C2orf76: variants seen among roughly 807,000 people sequenced by gnomAD.
C2orf76 encodes chromosome 2 open reading frame 76.
In C2orf76, 23 loss-of-function variants were observed where a neutral mutation model predicts 16.9. That is an observed-to-expected ratio of 1.36 (90% CI 0.98 to 1.93). The LOEUF is 1.93. Among genes scored for constraint, C2orf76 ranks in the 30% most tolerant of loss-of-function variants. The pLI is 0.00. For missense variants in C2orf76, 152 were observed against 152.6 expected (o/e 1.00, Z 0.02); for synonymous variants, 48 against 52.3 (o/e 0.92, Z 0.35).
At chr2:119,286,002 C>G in the C2orf76 span, among the ~76,000 whole-genome samples, 1 of 151,890 alleles carries the variant, frequency 6.6e-6, no homozygotes, top group Non-Finnish European at 1.5e-5. Context: ...CCAAGGCGGG[C>G]GGATCACGAG....
intron 1 of C2orf76, among the ~76,000 whole-genome samples, chr2:119,355,626 G>A (rs915023122): frequency 1.3e-5 from 2 of 152,112 alleles, no homozygotes. Context: ...ATTCTCATAG[G>A]AGCGTGAACC....
At chr2:119,318,397 G>A (rs1679243964) in intron 3 of C2orf76, among the ~76,000 whole-genome samples, 1 of 152,124 alleles carries the variant, frequency 6.6e-6, no homozygotes, top group African/African-American at 2.4e-5. Flanking sequence ...GACAGGAAAT[G>A]AAAGGATCTA....
At chr2:119,319,484 C>T (rs1316936601) in intron 3 of C2orf76, among the ~76,000 whole-genome samples, 4 of 152,130 alleles carry the variant, frequency 2.6e-5, no homozygotes, top group African/African-American at 4.8e-5. Context: ...AATACAAATT[C>T]CTTGAGGAAA....
upstream of C2orf76, chr2:119,366,851 GGGCGGGGCTAGCGCCGC>G (rs1051051983): frequency 1.8e-4 from 118 of 671,986 alleles, no homozygotes; most frequent in Non-Finnish European, 2.8e-4. Flanking sequence ...ACGTGGGCTC[GGGCGGGGCTAGCGCCGC>G]GGCGGGGGCT....
At chr2:119,286,228 A>AGG in the C2orf76 span, among the ~76,000 whole-genome samples, 1 of 133,248 alleles carries the variant, frequency 7.5e-6, no homozygotes, top group African/African-American at 2.8e-5. Context: ...CCATCTCAAA[A>AGG]AAAAAAAAAA....
chr2:119,291,452 C>T, the C2orf76 span, among the ~76,000 whole-genome samples: 2 of 151,716 alleles, frequency 1.3e-5, no homozygotes, highest in Admixed American at 6.6e-5. Context: ...GTTAATGAGC[C>T]CATTACTCCT....
At chr2:119,342,408 C>T (rs976589497) in intron 1 of C2orf76, among the ~76,000 whole-genome samples, 3 of 151,934 alleles carry the variant, frequency 2.0e-5, no homozygotes, top group African/African-American at 7.3e-5. Flanking sequence ...GTCAGGAGTT[C>T]GAGACCATCC....
intron 1 of C2orf76, among the ~76,000 whole-genome samples, chr2:119,360,513 T>A (rs1465168541): frequency 6.6e-6 from 1 of 151,216 alleles, no homozygotes; most frequent in Admixed American, 6.6e-5. Flanking sequence ...TATATACACC[T>A]GTTTGACATA....
At chr2:119,330,093 G>A (rs1679624655) in intron 2 of C2orf76, among the ~76,000 whole-genome samples, 1 of 152,056 alleles carries the variant, frequency 6.6e-6, no homozygotes, top group Non-Finnish European at 1.5e-5. Flanking sequence ...GTTACTCCAG[G>A]CCAGACACAG....
chr2:119,302,475 C>G lies in C2orf76; in HGVS notation c.378G>C (p.Trp126Cys), dbSNP rs1172976984. 1 of 1,336,946 alleles carries G rather than the reference C, an allele frequency of 7.5e-7. No individual in the cohort carries two copies. The highest frequency in any genetic ancestry group is 1.9e-5 in the Admixed American group (1 of 51,470). 82.8% of individuals were successfully genotyped at this position (1,336,946 alleles called of 1,614,324 possible). The stretch of plus-strand genomic sequence containing the variant: ...AAAGGAAGCCCTCGAGATGTTTTCA[C>G]CAGGATGAAATGGGATTAGCTTTGT... Reference protein sequence around the residue: ...KNYKANPISSW With the variant: ...KNYKANPISSC The change falls in exon 6 of 6, where the codon TGG (tryptophan) becomes TGC (cysteine). Residue 126 changes from tryptophan to cysteine, a missense_variant. By Grantham distance (215) the Trp-to-Cys change is radical. Transcript: ENST00000334816.
At chr2:119,324,046 A>G (rs1361211562) in intron 2 of C2orf76, among the ~76,000 whole-genome samples, 1 of 152,216 alleles carries the variant, frequency 6.6e-6, no homozygotes, top group Non-Finnish European at 1.5e-5. Context: ...TATGGGCCAA[A>G]GCAGTATTCA....
chr2:119,363,561 G>A (rs972278199), intron 1 of C2orf76, among the ~76,000 whole-genome samples: 16 of 152,052 alleles, frequency 1.1e-4, no homozygotes, highest in East Asian at 1.9e-4. Flanking sequence ...CCTAACCCTC[G>A]CCTTATAGTA....
intron 4 of C2orf76, among the ~76,000 whole-genome samples, chr2:119,313,533 T>G (rs1558778452): frequency 6.6e-6 from 1 of 151,602 alleles, no homozygotes; most frequent in African/African-American, 2.4e-5. Context: ...GAGGTAGAGG[T>G]TGCAGTGAGC....
intron 5 of C2orf76, among the ~76,000 whole-genome samples, chr2:119,310,255 A>G (rs747988381): frequency 2.6e-5 from 4 of 152,222 alleles, no homozygotes; most frequent in Non-Finnish European, 4.4e-5. Flanking sequence ...TACATGCCCC[A>G]ATCACAAAGG....
intron 1 of C2orf76, among the ~76,000 whole-genome samples, chr2:119,357,263 A>AG (rs1680600633): frequency 2.0e-5 from 2 of 101,540 alleles, no homozygotes; most frequent in Admixed American, 9.6e-5. Flanking sequence ...AAAAAAAGAC[A>AG]ACAACAGACC....
At position 119,352,903 on chromosome 2, in the gene C2orf76, G is replaced by A. The variant is rs1483610940; in HGVS notation, c.-12-12932C>T. Among the ~76,000 whole-genome samples, 9 of 152,110 alleles carry A rather than the reference G, an allele frequency of 5.9e-5. No individual in the cohort carries two copies. In the East Asian group the frequency reaches 1.7e-3, roughly 29 times the overall value. Reference sequence around the variant, plus strand: ...AATTCTCCTCAAGATTTAGGAACCAGTATCACAGGGCAGAGAGTCCATCAC... The same window carrying A: ...AATTCTCCTCAAGATTTAGGAACCAATATCACAGGGCAGAGAGTCCATCAC... On this transcript the variant is annotated intron_variant, in intron 1 of 5. Transcript: ENST00000334816.
At chr2:119,351,988 T>C (rs1257730951) in intron 1 of C2orf76, among the ~76,000 whole-genome samples, 1 of 152,222 alleles carries the variant, frequency 6.6e-6, no homozygotes, top group Non-Finnish European at 1.5e-5. Context: ...ATATGCCTTA[T>C]GGTATTCGAA....
chr2:119,313,414 C>T (rs970155468), intron 4 of C2orf76, among the ~76,000 whole-genome samples: 1 of 151,688 alleles, frequency 6.6e-6, no homozygotes, highest in African/African-American at 2.4e-5. Context: ...ATAGCAAGAC[C>T]CGATCTCTAC....
the C2orf76 span, among the ~76,000 whole-genome samples, chr2:119,293,033 T>TCAAAACAAAA: frequency 6.6e-6 from 1 of 152,110 alleles, no homozygotes; most frequent in Non-Finnish European, 1.5e-5. Flanking sequence ...AGACTCTGTC[T>TCAAAACAAAA]CAAAACAAAA....
Sources: gnomAD v4.1 joint callset for allele counts (sites outside exome capture counted in the v4.1 genomes callset) on GRCh38, gnomAD v4.1.1 for gene constraint, MANE v1.5 for transcripts, NCBI Gene and HGNC (gene_info 2026-07-23, HGNC 2026-07-21) for gene names.